The following ALK variants were observed in gnomAD, a reference collection of about 807,000 sequenced individuals.
The protein encoded by ALK is ALK tyrosine kinase receptor.
ALK carries 74 observed loss-of-function variants against 163.1 expected under a neutral mutation model. The ratio of observed to expected loss-of-function variants is 0.45; its 90% confidence interval spans 0.38 to 0.55. The LOEUF (loss-of-function observed/expected upper bound fraction) is 0.55. ALK is among the 20% of genes least tolerant of loss of function. The probability of loss-of-function intolerance (pLI) is 0.00; values close to 1 mark genes in which losing one functional copy is unlikely to be tolerated. For synonymous variants in ALK, 960 were observed against 843.2 expected, an observed-to-expected ratio of 1.14 and a Z score of -2.40; for missense variants, 2,063 against 2,105.3, an observed-to-expected ratio of 0.98 and a Z score of 0.39.
At chr2:29,890,643 C>A (rs1033550834) in intron 1 of ALK, 2 of 152,200 alleles carry the variant, frequency 1.3e-5, no homozygotes, top group African/African-American at 4.8e-5. Flanking sequence ...CTCTCCACGG[C>A]CCCTCTGAAT....
At chr2:29,474,479 G>A (rs1671454291) in intron 4 of ALK, among the ~76,000 whole-genome samples, 1 of 152,144 alleles carries the variant, frequency 6.6e-6, no homozygotes, top group Non-Finnish European at 1.5e-5. Flanking sequence ...ATAACATAAA[G>A]CTAGCTTAAA....
intron 4 of ALK, among the ~76,000 whole-genome samples, chr2:29,504,152 G>A (rs955341683): frequency 1.3e-5 from 2 of 152,108 alleles, no homozygotes; most frequent in African/African-American, 4.8e-5. Flanking sequence ...TCCAAAGGAT[G>A]AGTGGGAGGT....
chr2:29,463,590 A>G (rs888823339), intron 4 of ALK, among the ~76,000 whole-genome samples: 2 of 152,222 alleles, frequency 1.3e-5, no homozygotes, highest in Non-Finnish European at 2.9e-5. Flanking sequence ...GAGAAAGGAA[A>G]CAAATGAAGT....
chr2:29,511,609 A>T (rs1338924320), intron 4 of ALK, among the ~76,000 whole-genome samples: 1 of 152,174 alleles, frequency 6.6e-6, no homozygotes, highest in African/African-American at 2.4e-5. Flanking sequence ...TAATGCATAA[A>T]GTTTTGTGGG....
intron 8 of ALK, among the ~76,000 whole-genome samples, chr2:29,305,813 A>G (rs1486810605): frequency 6.6e-6 from 1 of 151,750 alleles, no homozygotes; most frequent in Non-Finnish European, 1.5e-5. Flanking sequence ...ATTCAAGCAC[A>G]TTACATATAT....
intron 1 of ALK, among the ~76,000 whole-genome samples, chr2:29,864,890 C>G (rs1666388408): frequency 6.6e-6 from 1 of 152,180 alleles, no homozygotes; most frequent in Non-Finnish European, 1.5e-5. Flanking sequence ...GTTAGACATG[C>G]AAGTCACATT....
chr2:29,329,777 T>C (rs184393980), intron 5 of ALK, among the ~76,000 whole-genome samples: 34 of 152,350 alleles, frequency 2.2e-4, no homozygotes, highest in Admixed American at 7.8e-4. Flanking sequence ...GAAACTAACA[T>C]GAAGCCCAGC....
chr2:29,235,545 C>T (rs113604550), intron 13 of ALK, among the ~76,000 whole-genome samples: 3,258 of 152,096 alleles, frequency 0.021, 108 homozygotes, highest in African/African-American at 0.074. Flanking sequence ...TATGTCCTGG[C>T]CTGGGGGGAG....
rs372471601 is a variant in ALK, at chr2:29,193,680, C to T, written c.4407G>A (p.Pro1469=). ...TATTCACGTGTCCCCCTTCCACGGC[C>T]GGCCCTCTAGGGACTCGAACAGAGA... is the stretch of plus-strand genomic sequence containing the variant. ...AEISVRVPRG[P]AVEGGHVNMA... is the part of the protein sequence containing the mutation. The change falls in exon 29 of 29, where the codon CCG becomes CCA. Residue 1469 remains proline, a synonymous_variant. Transcript: ENST00000389048. 54 of 1,613,960 alleles carry T rather than the reference C, an allele frequency of 3.3e-5. No individual in the cohort carries two copies. In the African/African-American group the frequency reaches 5.5e-4, roughly 16 times the overall value.
At chr2:29,541,113 C>A (rs933833410) in intron 3 of ALK, among the ~76,000 whole-genome samples, 1 of 152,206 alleles carries the variant, frequency 6.6e-6, no homozygotes, top group Non-Finnish European at 1.5e-5. Flanking sequence ...AATGCCACCT[C>A]CTGGAATGGG....
intron 3 of ALK, among the ~76,000 whole-genome samples, chr2:29,606,034 C>T (rs893585142): frequency 6.6e-6 from 1 of 152,156 alleles, no homozygotes; most frequent in Non-Finnish European, 1.5e-5. Flanking sequence ...CTCCCACCCC[C>T]ACTGCCACCT....
At chr2:29,819,199 C>T (rs536776841) in intron 1 of ALK, among the ~76,000 whole-genome samples, 1 of 152,184 alleles carries the variant, frequency 6.6e-6, no homozygotes. Context: ...CCCCAGACTC[C>T]GGGAGATTCA....
At chr2:29,200,760 T>TATATATAC (rs1553389059) in intron 26 of ALK, among the ~76,000 whole-genome samples, 1 of 104,970 alleles carries the variant, frequency 9.5e-6, no homozygotes, top group African/African-American at 5.4e-5. Context: ...TACGTATATA[T>TATATATAC]GTATATATAT....
intron 4 of ALK, among the ~76,000 whole-genome samples, chr2:29,495,366 G>T (rs1671999294): frequency 6.6e-6 from 1 of 152,164 alleles, no homozygotes; most frequent in Admixed American, 6.5e-5. Flanking sequence ...CTTTCCCGTG[G>T]CACTGCACGG....
At chr2:29,350,903 T>C (rs1668093078) in intron 5 of ALK, among the ~76,000 whole-genome samples, 1 of 152,226 alleles carries the variant, frequency 6.6e-6, no homozygotes, top group African/African-American at 2.4e-5. Flanking sequence ...CAAACTGTTT[T>C]CTGCAAAAAC....
intron 5 of ALK, among the ~76,000 whole-genome samples, chr2:29,345,134 C>A (rs1474667548): frequency 6.6e-6 from 1 of 152,162 alleles, no homozygotes; most frequent in African/African-American, 2.4e-5. Context: ...TGGCTCACAT[C>A]TGTAATCCCA....
intron 3 of ALK, among the ~76,000 whole-genome samples, chr2:29,639,779 A>T (rs978452283): frequency 3.3e-5 from 5 of 152,212 alleles, no homozygotes; most frequent in African/African-American, 1.2e-4. Context: ...TGACATTTAA[A>T]TCTACAAGAG....
chr2:29,398,810 G>A (rs1057095242), intron 4 of ALK, among the ~76,000 whole-genome samples: 6 of 152,200 alleles, frequency 3.9e-5, no homozygotes, highest in African/African-American at 1.4e-4. Context: ...AATTCTGTGG[G>A]TGGTTGCAAA....
At chr2:29,296,535 G>A (rs1208539635) in intron 9 of ALK, among the ~76,000 whole-genome samples, 4 of 152,226 alleles carry the variant, frequency 2.6e-5, no homozygotes, top group Admixed American at 2.6e-4. Context: ...TATCATATAA[G>A]AGAACATGCT....
Sources: gnomAD v4.1 joint callset for allele counts (sites outside exome capture counted in the v4.1 genomes callset) on GRCh38, gnomAD v4.1.1 for gene constraint, MANE v1.5 for transcripts, NCBI Gene and HGNC (gene_info 2026-07-23, HGNC 2026-07-21) for gene names.